Variants in GALNT17 observed in about 807,000 individuals in gnomAD.
GALNT17 encodes polypeptide N-acetylgalactosaminyltransferase 17.
GALNT17 carries 29 observed loss-of-function variants against 63.7 expected under a neutral mutation model. The ratio of observed to expected loss-of-function variants is 0.46; its 90% CI spans 0.34 to 0.62. GALNT17 has a LOEUF of 0.62. GALNT17 is among the 20% of genes least tolerant of loss of function. The pLI, the probability that GALNT17 is intolerant of heterozygous loss-of-function variation, is 0.01. For missense variants in GALNT17, 603 were observed against 799.6 expected, an observed-to-expected ratio of 0.75 and a Z score of 2.97; for synonymous variants, 305 against 318.3, an observed-to-expected ratio of 0.96 and a Z score of 0.45.
intron 1 of GALNT17, among the ~76,000 whole-genome samples, chr7:71,327,700 A>G (rs563135617): frequency 3.9e-5 from 6 of 152,312 alleles, no homozygotes; most frequent in African/African-American, 9.6e-5. Flanking sequence ...AGGGAAACCA[A>G]TAAGGAATGA....
intron 9 of GALNT17, among the ~76,000 whole-genome samples, chr7:71,680,808 TCTTCCTTCCTTCCTTC>T (rs148786608): frequency 1.4e-5 from 2 of 146,174 alleles, no homozygotes; most frequent in East Asian, 4.1e-4. Context: ...TTCCTTCCTT[TCTTCCTTCCTTCCTTC>T]CCCCCTTCCT....
At chr7:71,293,362 C>T (rs1246624454) in intron 1 of GALNT17, among the ~76,000 whole-genome samples, 1 of 152,112 alleles carries the variant, frequency 6.6e-6, no homozygotes, top group Non-Finnish European at 1.5e-5. Flanking sequence ...CCTTACCAAC[C>T]CTTACCTTGT....
intron 9 of GALNT17, among the ~76,000 whole-genome samples, chr7:71,695,898 CTCTT>C (rs1204929577): frequency 1.3e-5 from 2 of 152,176 alleles, no homozygotes; most frequent in African/African-American, 4.8e-5. Context: ...GCTGGGCTGC[CTCTT>C]TCTTTGCTTG....
chr7:71,519,106 A>T (rs1434471163), intron 5 of GALNT17, among the ~76,000 whole-genome samples: 1 of 152,170 alleles, frequency 6.6e-6, no homozygotes, highest in East Asian at 1.9e-4. Context: ...GACCAGGTAC[A>T]AGTCCAGCTG....
intron 3 of GALNT17, among the ~76,000 whole-genome samples, chr7:71,403,736 C>T (rs902594292): frequency 2.0e-5 from 3 of 152,170 alleles, no homozygotes; most frequent in Admixed American, 6.6e-5. Flanking sequence ...TTATTCCACT[C>T]CCGGCTGCCA....
intron 2 of GALNT17, among the ~76,000 whole-genome samples, chr7:71,370,277 A>G (rs1219420717): frequency 6.6e-6 from 1 of 152,154 alleles, no homozygotes; most frequent in African/African-American, 2.4e-5. Context: ...CAACAGAGGA[A>G]AGTCTCCAAG....
chr7:71,440,152 A>G (rs575961883), intron 5 of GALNT17, among the ~76,000 whole-genome samples: 1 of 150,152 alleles, frequency 6.7e-6, no homozygotes, highest in East Asian at 2.0e-4. Context: ...CTGGTCTCGA[A>G]CTCCTGACCT....
chr7:71,399,196 G>A (rs2960880), intron 3 of GALNT17, among the ~76,000 whole-genome samples: 27,381 of 152,068 alleles, frequency 0.18, 2,796 homozygotes, highest in African/African-American at 0.28. Flanking sequence ...ATTGCGCCAC[G>A]GCACTCCAGC....
chr7:71,394,697 G>T (rs929194804), intron 3 of GALNT17, among the ~76,000 whole-genome samples: 11 of 152,152 alleles, frequency 7.2e-5, no homozygotes, highest in African/African-American at 1.2e-4. Flanking sequence ...GTGCACAGAG[G>T]TATCACAGTC....
intron 2 of GALNT17, among the ~76,000 whole-genome samples, chr7:71,376,311 G>T (rs1452038461): frequency 6.7e-6 from 1 of 150,126 alleles, no homozygotes; most frequent in Non-Finnish European, 1.5e-5. Context: ...GCATGCACAG[G>T]AGGATTTTTT....
intron 6 of GALNT17, among the ~76,000 whole-genome samples, chr7:71,658,059 C>G (rs900190002): frequency 2.6e-4 from 40 of 152,132 alleles, no homozygotes; most frequent in African/African-American, 9.6e-4. Context: ...CATGTGCCAC[C>G]ACACCTGGCT....
At chr7:71,576,984 G>C (rs1429839696) in intron 6 of GALNT17, among the ~76,000 whole-genome samples, 3 of 152,150 alleles carry the variant, frequency 2.0e-5, no homozygotes, top group African/African-American at 7.2e-5. Flanking sequence ...ACAGTGGATG[G>C]GATAAAGAAA....
At chr7:71,377,967 A>T (rs1433438324) in intron 2 of GALNT17, among the ~76,000 whole-genome samples, 1 of 152,126 alleles carries the variant, frequency 6.6e-6, no homozygotes, top group Non-Finnish European at 1.5e-5. Flanking sequence ...TAAATTACCC[A>T]GTCTCGGGAA....
At chr7:71,354,036 A>G (rs997337747) in intron 2 of GALNT17, among the ~76,000 whole-genome samples, 14 of 152,124 alleles carry the variant, frequency 9.2e-5, no homozygotes, top group African/African-American at 3.1e-4. Flanking sequence ...GAGGTGCTAC[A>G]CACTTTTAAA....
chr7:71,233,392 C>T (rs1789829828), intron 1 of GALNT17, among the ~76,000 whole-genome samples: 1 of 152,184 alleles, frequency 6.6e-6, no homozygotes, highest in Non-Finnish European at 1.5e-5. Flanking sequence ...GTTCTGAAGG[C>T]TCCCAAGACA....
intron 1 of GALNT17, among the ~76,000 whole-genome samples, chr7:71,201,786 C>T (rs1046285821): frequency 1.3e-5 from 2 of 152,048 alleles, no homozygotes; most frequent in African/African-American, 2.4e-5. Context: ...CACACGCCAC[C>T]ACACCCAGCT....
intron 5 of GALNT17, among the ~76,000 whole-genome samples, chr7:71,568,816 T>G (rs1043325231): frequency 3.3e-5 from 5 of 152,192 alleles, no homozygotes; most frequent in African/African-American, 1.2e-4. Flanking sequence ...AATACAATAC[T>G]TAATATTTAT....
chr7:71,653,672 G>A (rs1790785572), intron 6 of GALNT17, among the ~76,000 whole-genome samples: 1 of 152,170 alleles, frequency 6.6e-6, no homozygotes, highest in Non-Finnish European at 1.5e-5. Context: ...CTCCCAAAGT[G>A]CTGGGATTAC....
intron 5 of GALNT17, among the ~76,000 whole-genome samples, chr7:71,479,776 C>T (rs1182242417): frequency 6.6e-6 from 1 of 152,136 alleles, no homozygotes; most frequent in Non-Finnish European, 1.5e-5. Context: ...GTGTCTGAGT[C>T]AAAGATGGAG....
Sources: gnomAD v4.1 joint callset for allele counts (sites outside exome capture counted in the v4.1 genomes callset) on GRCh38, gnomAD v4.1.1 for gene constraint, MANE v1.5 for transcripts, NCBI Gene and HGNC (gene_info 2026-07-23, HGNC 2026-07-21) for gene names.